Variants in DHX35 observed in about 807,000 individuals in gnomAD.
DHX35 encodes DEAH-box helicase 35, also known as probable ATP-dependent RNA helicase DHX35.
A neutral mutation model predicts 99.6 loss-of-function variants in DHX35; 84 were observed. The observed-to-expected ratio is 0.84, with a 90% CI of 0.71 to 1.01. The LOEUF (loss-of-function observed/expected upper bound fraction) is 1.01. Ranked by LOEUF, DHX35 falls within the 50% of genes least tolerant of loss-of-function variation. The pLI, the probability that DHX35 is intolerant of heterozygous loss-of-function variation, is 0.00. For missense variants in DHX35, 852 were observed against 888.5 expected (o/e 0.96, Z 0.52); for synonymous variants, 331 against 316.2 (o/e 1.05, Z -0.50).
chr20:39,025,134 A>G, intron 17 of DHX35, 96 bp from the exon 18 acceptor site: 1 of 1,379,760 alleles, frequency 7.2e-7, no homozygotes, highest in Non-Finnish European at 9.7e-7. Flanking sequence ...GCCGTTGAAC[A>G]GCACATGGGG....
At chr20:38,993,212 A>G (rs182338193) in intron 7 of DHX35, among the ~76,000 whole-genome samples, 1 of 152,352 alleles carries the variant, frequency 6.6e-6, no homozygotes, top group African/African-American at 2.4e-5. Context: ...AAATGGGGAA[A>G]ATAGTAGTCT....
intron 15 of DHX35, among the ~76,000 whole-genome samples, chr20:39,020,526 T>G (rs1231890143): frequency 6.6e-6 from 1 of 152,210 alleles, no homozygotes; most frequent in Non-Finnish European, 1.5e-5. Flanking sequence ...TAATTTTTTC[T>G]TGGTTTTGTC....
At position 39,025,092 on chromosome 20, in the gene DHX35, A is replaced by T. The variant is rs76828360; in HGVS notation, c.1672-138A>T. ...AACATCTGTTTTGAGAGATGGGGCA[A>T]AAAAGGGCCAGTTCCCATCTTTAGA... On this transcript the variant is annotated intron_variant, in intron 17 of 21. Coordinates refer to ENST00000252011, the MANE Select transcript of DHX35 (RefSeq NM_021931.4). 2.0e-3 allele frequency: 2,061 copies of T among 1,035,120 alleles called. 24 individuals carry two copies. The African/African-American group carries it at 0.029, about 15-fold the overall frequency. The allele number at this position is 1,035,120 out of a possible 1,614,324, so 64.1% of individuals were successfully genotyped here. A position where few individuals can be genotyped will look rare whatever the true frequency, so the allele number is the denominator to read the frequency against.
chr20:38,997,083 T>A (rs1039565163), intron 8 of DHX35, among the ~76,000 whole-genome samples: 3 of 151,718 alleles, frequency 2.0e-5, no homozygotes, highest in Admixed American at 1.3e-4. Flanking sequence ...TATTTATTTA[T>A]TTTTTGACAC....
chr20:39,024,287 A>G (rs1216188521), intron 17 of DHX35, among the ~76,000 whole-genome samples: 3 of 152,262 alleles, frequency 2.0e-5, no homozygotes, highest in Non-Finnish European at 4.4e-5. Flanking sequence ...TAAGCAAATA[A>G]TACAGCTTAA....
At chr20:39,000,856 C>T (rs73908232) in intron 8 of DHX35, among the ~76,000 whole-genome samples, 3,072 of 152,240 alleles carry the variant, frequency 0.02, 111 homozygotes, top group African/African-American at 0.071. Flanking sequence ...TATCCATGCC[C>T]CCTCTGCAGT....
At chr20:38,964,402 A>G (rs1474498542) in intron 1 of DHX35, among the ~76,000 whole-genome samples, 1 of 152,088 alleles carries the variant, frequency 6.6e-6, no homozygotes, top group Non-Finnish European at 1.5e-5. Flanking sequence ...GACAAGTTAA[A>G]AAGTTTAGAC....
At chr20:38,992,472 C>A in intron 7 of DHX35, 47 bp downstream of exon 7, 1 of 1,577,140 alleles carries the variant, frequency 6.3e-7, no homozygotes, top group Non-Finnish European at 8.7e-7. Flanking sequence ...TATTTTATTG[C>A]CTAATTACAA....
At chr20:38,985,220 A>G (rs1380888829) in intron 4 of DHX35, among the ~76,000 whole-genome samples, 1 of 152,006 alleles carries the variant, frequency 6.6e-6, no homozygotes, top group Non-Finnish European at 1.5e-5. Flanking sequence ...CTGTCTCTAC[A>G]AAACAATTTT....
At chr20:38,969,054 T>C in intron 1 of DHX35, 27 bp from the exon 2 acceptor site, 2 of 1,571,924 alleles carry the variant, frequency 1.3e-6, no homozygotes, top group South Asian at 2.3e-5. Context: ...TATCAGAGAA[T>C]CTGAAAAAAA....
intron 16 of DHX35, among the ~76,000 whole-genome samples, chr20:39,022,663 G>A (rs188130047): frequency 6.6e-6 from 1 of 152,328 alleles, no homozygotes; most frequent in East Asian, 1.9e-4. Flanking sequence ...AAGAAGTCAG[G>A]TGCCAGGGTA....
chr20:39,008,668 A>G (rs538141440), intron 12 of DHX35, among the ~76,000 whole-genome samples: 1 of 152,164 alleles, frequency 6.6e-6, no homozygotes, highest in East Asian at 1.9e-4. Context: ...GACCCTCCAC[A>G]TTTTCTCAAA....
chr20:38,999,088 G>A (rs2086476023), intron 8 of DHX35, among the ~76,000 whole-genome samples: 1 of 152,110 alleles, frequency 6.6e-6, no homozygotes, highest in African/African-American at 2.4e-5. Flanking sequence ...CACCGCATCC[G>A]GCCGAGTCTT....
intron 11 of DHX35, among the ~76,000 whole-genome samples, chr20:39,004,913 A>T (rs1381022648): frequency 6.6e-6 from 1 of 152,186 alleles, no homozygotes; most frequent in Non-Finnish European, 1.5e-5. Context: ...ATGGAGCAAC[A>T]TGAGTCTGCC....
At chr20:39,020,593 A>G (rs1269092637) in intron 15 of DHX35, among the ~76,000 whole-genome samples, 1 of 151,934 alleles carries the variant, frequency 6.6e-6, no homozygotes. Flanking sequence ...AGTATGGGGA[A>G]AGCTAACTAA....
intron 18 of DHX35, among the ~76,000 whole-genome samples, chr20:39,027,789 T>C (rs2086981864): frequency 6.6e-6 from 1 of 152,240 alleles, no homozygotes; most frequent in Non-Finnish European, 1.5e-5. Flanking sequence ...AGTCTTAAAA[T>C]TGATGAGATG....
At chr20:38,963,953 G>T (rs1412335712) in intron 1 of DHX35, among the ~76,000 whole-genome samples, 1 of 152,172 alleles carries the variant, frequency 6.6e-6, no homozygotes, top group Non-Finnish European at 1.5e-5. Context: ...TGACTTGATA[G>T]TCACTTAAAT....
intron 17 of DHX35, among the ~76,000 whole-genome samples, chr20:39,024,215 A>G (rs932653930): frequency 3.3e-5 from 5 of 152,254 alleles, no homozygotes; most frequent in African/African-American, 4.8e-5. Flanking sequence ...GCATATTCAC[A>G]TATCCCACCC....
At position 38,968,213 on chromosome 20, in the gene DHX35, C is replaced by T. The variant is rs564437051; in HGVS notation, c.41-868C>T. On this transcript the variant is annotated intron_variant, in intron 1 of 21. Transcript: ENST00000252011. ...GAATGATTGGTAGAGGAGTTGTAAG[C>T]GTGAACCCTGGCACTGCCGGCAGCC... Among the ~76,000 whole-genome samples, 5 of 152,190 alleles carry T rather than the reference C, an allele frequency of 3.3e-5. No individual in the cohort carries two copies. In the East Asian group the frequency reaches 5.8e-4, roughly 18 times the overall value.
Sources: allele counts gnomAD v4.1 joint callset (sites outside exome capture counted in the v4.1 genomes callset), GRCh38; gene constraint gnomAD v4.1.1; transcripts MANE v1.5; gene names NCBI Gene and HGNC (gene_info 2026-07-23, HGNC 2026-07-21).